The following ROBO2 variants were observed in gnomAD, a reference collection of about 807,000 sequenced individuals.
ROBO2 encodes roundabout homolog 2.
In ROBO2, 53 loss-of-function variants were observed where a neutral mutation model predicts 160.8. The observed-to-expected ratio is 0.33, with a 90% CI of 0.26 to 0.41. The LOEUF is 0.41. Among genes scored for constraint, ROBO2 ranks in the 10% least tolerant of loss-of-function variants. The probability of loss-of-function intolerance (pLI) is 1.00; values close to 1 mark genes in which losing one functional copy is unlikely to be tolerated. For synonymous variants in ROBO2, 664 were observed against 611.7 expected, an observed-to-expected ratio of 1.09 and a Z score of -1.26; for missense variants, 1,577 against 1,722.4, an observed-to-expected ratio of 0.92 and a Z score of 1.49.
intron 2 of ROBO2, among the ~76,000 whole-genome samples, chr3:76,896,828 A>G (rs2074821462): frequency 6.6e-6 from 1 of 152,204 alleles, no homozygotes; most frequent in Non-Finnish European, 1.5e-5. Flanking sequence ...ACTTAGGAGA[A>G]TTTCTAAACT....
chr3:75,963,574 A>G (rs776552552), intron 2 of ROBO2, among the ~76,000 whole-genome samples: 2 of 151,852 alleles, frequency 1.3e-5, no homozygotes, highest in African/African-American at 2.4e-5. Context: ...AATGATGCTA[A>G]CGTAGTTGGG....
chr3:75,959,809 G>T (rs1948847876), intron 2 of ROBO2, among the ~76,000 whole-genome samples: 1 of 151,448 alleles, frequency 6.6e-6, no homozygotes, highest in African/African-American at 2.4e-5. Context: ...AGGCAGAAAT[G>T]CTCCATAAGC....
At chr3:77,322,370 A>C (rs987349351) in intron 2 of ROBO2, among the ~76,000 whole-genome samples, 1 of 152,168 alleles carries the variant, frequency 6.6e-6, no homozygotes, top group Non-Finnish European at 1.5e-5. Context: ...TCGCTTCAAC[A>C]GAGGTCTGGT....
chr3:76,606,253 T>C (rs1242180870), intron 2 of ROBO2, among the ~76,000 whole-genome samples: 2 of 152,178 alleles, frequency 1.3e-5, no homozygotes, highest in Non-Finnish European at 1.5e-5. Context: ...CCTGCCTCAG[T>C]GTAGATTGTA....
chr3:76,304,750 CT>C (rs759009928), intron 2 of ROBO2, among the ~76,000 whole-genome samples: 6 of 121,372 alleles, frequency 4.9e-5, no homozygotes, highest in African/African-American at 2.3e-4. Context: ...TTCTTTCCTT[CT>C]TTCTTTCTTT....
chr3:77,425,733 C>T (rs546380235), intron 2 of ROBO2, among the ~76,000 whole-genome samples: 46 of 150,370 alleles, frequency 3.1e-4, no homozygotes, highest in African/African-American at 1.0e-3. Flanking sequence ...GGCATGATCT[C>T]GGCTCACTGC....
chr3:77,436,468 T>G (rs934729622), intron 2 of ROBO2, among the ~76,000 whole-genome samples: 1 of 151,832 alleles, frequency 6.6e-6, no homozygotes, highest in African/African-American at 2.4e-5. Context: ...CCTCTACACA[T>G]TTTATTTTCT....
At chr3:76,344,442 T>C (rs1333360261) in intron 2 of ROBO2, among the ~76,000 whole-genome samples, 3 of 152,172 alleles carry the variant, frequency 2.0e-5, no homozygotes, top group African/African-American at 7.2e-5. Flanking sequence ...CTACTAGTTA[T>C]TTTGGTCATC....
intron 2 of ROBO2, among the ~76,000 whole-genome samples, chr3:76,348,687 T>A (rs529438699): frequency 6.6e-6 from 1 of 152,068 alleles, no homozygotes; most frequent in Non-Finnish European, 1.5e-5. Context: ...ATGTGCTATA[T>A]CTGCTTCTCC....
chr3:77,447,621 T>C (rs569828790), intron 2 of ROBO2, among the ~76,000 whole-genome samples: 16 of 152,256 alleles, frequency 1.1e-4, no homozygotes, highest in Non-Finnish European at 2.1e-4. Context: ...ACGGAATTCA[T>C]TTTTTATATT....
chr3:77,516,350 T>A (rs1021482419), intron 5 of ROBO2, among the ~76,000 whole-genome samples: 53 of 151,700 alleles, frequency 3.5e-4, no homozygotes, highest in African/African-American at 1.2e-3. Flanking sequence ...GTTAAAAGTA[T>A]AAATGAAAGA....
At chr3:76,732,181 T>C (rs2093647722) in intron 2 of ROBO2, among the ~76,000 whole-genome samples, 1 of 151,744 alleles carries the variant, frequency 6.6e-6, no homozygotes, top group South Asian at 2.1e-4. Flanking sequence ...TTTTGGAGTA[T>C]GTGTAGTAGT....
At chr3:77,539,216 C>T (rs2092339361) in intron 6 of ROBO2, among the ~76,000 whole-genome samples, 1 of 152,124 alleles carries the variant, frequency 6.6e-6, no homozygotes, top group Admixed American at 6.5e-5. Flanking sequence ...CACCGCCCCC[C>T]GGCCTTTTGC....
chr3:76,787,469 G>T (rs185015879), intron 2 of ROBO2, among the ~76,000 whole-genome samples: 15 of 151,096 alleles, frequency 9.9e-5, no homozygotes, highest in African/African-American at 3.6e-4. Flanking sequence ...TAGAGGGCAA[G>T]GTTTAAATTT....
At chr3:76,177,785 T>C (rs1010003983) in intron 2 of ROBO2, among the ~76,000 whole-genome samples, 8 of 152,094 alleles carry the variant, frequency 5.3e-5, no homozygotes, top group African/African-American at 1.9e-4. Context: ...CAGAGAAATA[T>C]AGACAGATGG....
chr3:77,450,830 A>G (rs375191115), intron 2 of ROBO2, among the ~76,000 whole-genome samples: 5 of 152,084 alleles, frequency 3.3e-5, no homozygotes, highest in African/African-American at 1.2e-4. Context: ...GTACTTTGAG[A>G]TAATTGACGG....
chr3:76,126,732 T>C (rs1403781464), intron 2 of ROBO2, among the ~76,000 whole-genome samples: 1 of 152,166 alleles, frequency 6.6e-6, no homozygotes, highest in Non-Finnish European at 1.5e-5. Context: ...GAATACAGTA[T>C]CATGTTCAAA....
intron 2 of ROBO2, among the ~76,000 whole-genome samples, chr3:77,416,716 C>CAAAAAAA (rs61204363): frequency 1.1e-5 from 1 of 90,050 alleles, no homozygotes; most frequent in Non-Finnish European, 2.2e-5. Context: ...GATTCCATCT[C>CAAAAAAA]AAAAAAAAAA....
At chr3:76,014,737 G>A (rs1430598021) in intron 2 of ROBO2, among the ~76,000 whole-genome samples, 3 of 152,160 alleles carry the variant, frequency 2.0e-5, no homozygotes, top group African/African-American at 7.2e-5. Flanking sequence ...AGATCAGCCT[G>A]GGCAACAGGG....
Sources: gnomAD v4.1 joint callset for allele counts (sites outside exome capture counted in the v4.1 genomes callset) on GRCh38, gnomAD v4.1.1 for gene constraint, MANE v1.5 for transcripts, NCBI Gene and HGNC (gene_info 2026-07-23, HGNC 2026-07-21) for gene names.